RPS6KC1: variants seen among roughly 807,000 people sequenced by gnomAD.
RPS6KC1 encodes the protein inactive ribosomal protein S6 kinase delta-1.
RPS6KC1 carries 54 observed loss-of-function variants against 103.8 expected under a neutral mutation model. The ratio of observed to expected loss-of-function variants is 0.52; its 90% CI spans 0.42 to 0.65. The LOEUF is 0.65. Among genes scored for constraint, RPS6KC1 ranks in the 30% least tolerant of loss-of-function variants. The pLI, the probability that RPS6KC1 is intolerant of heterozygous loss-of-function variation, is 0.00. For missense variants in RPS6KC1, 1,151 were observed against 1,253.8 expected (o/e 0.92, Z 1.24); for synonymous variants, 439 against 438.7 (o/e 1.00, Z -0.01).
chr1:213,629,589 G>A, the RPS6KC1 span, among the ~76,000 whole-genome samples: 4,537 of 152,016 alleles, frequency 0.03, 104 homozygotes, highest in Non-Finnish European at 0.043. Context: ...TTACATTTAA[G>A]GTTAATATTG....
At chr1:213,076,489 T>C (rs1363695939) in intron 2 of RPS6KC1, among the ~76,000 whole-genome samples, 2 of 152,172 alleles carry the variant, frequency 1.3e-5, no homozygotes, top group Non-Finnish European at 2.9e-5. Flanking sequence ...GATGATTAAG[T>C]TTTTCAGAAG....
the RPS6KC1 span, among the ~76,000 whole-genome samples, chr1:213,398,712 A>G: frequency 6.6e-6 from 1 of 152,176 alleles, no homozygotes; most frequent in Non-Finnish European, 1.5e-5. Flanking sequence ...CCTATTAGGC[A>G]TCATTTTATT....
the RPS6KC1 span, among the ~76,000 whole-genome samples, chr1:213,667,341 G>T: frequency 4.0e-4 from 61 of 152,170 alleles, no homozygotes; most frequent in Non-Finnish European, 8.5e-4. Context: ...TCATAATAAA[G>T]TGAAGCATGC....
intron 14 of RPS6KC1, among the ~76,000 whole-genome samples, chr1:213,271,189 A>T (rs2095039857): frequency 6.6e-6 from 1 of 152,238 alleles, no homozygotes; most frequent in South Asian, 2.1e-4. Flanking sequence ...GTATCTAAAA[A>T]CTAGTGAGTG....
At chr1:213,366,489 C>T in the RPS6KC1 span, among the ~76,000 whole-genome samples, 1 of 152,174 alleles carries the variant, frequency 6.6e-6, no homozygotes, top group Non-Finnish European at 1.5e-5. Context: ...TGGTAAAGGG[C>T]CAGATAGTAA....
chr1:213,664,771 C>A, the RPS6KC1 span, among the ~76,000 whole-genome samples: 6 of 152,024 alleles, frequency 3.9e-5, no homozygotes, highest in Admixed American at 2.6e-4. Context: ...TAATTAAGAT[C>A]TTTAGTATGG....
chr1:213,167,756 T>G (rs945482262), intron 6 of RPS6KC1, 102 bp from the exon 7 acceptor site: 1 of 553,326 alleles, frequency 1.8e-6, no homozygotes, highest in Non-Finnish European at 3.1e-6. Flanking sequence ...TCTTCTTTTT[T>G]GTTAGAAATG....
chr1:213,548,978 T>C, the RPS6KC1 span, among the ~76,000 whole-genome samples: 1 of 152,184 alleles, frequency 6.6e-6, no homozygotes, highest in African/African-American at 2.4e-5. Context: ...AGGGAAACTC[T>C]CATGAACTGT....
chr1:213,373,219 A>T, the RPS6KC1 span, among the ~76,000 whole-genome samples: 1 of 152,234 alleles, frequency 6.6e-6, no homozygotes, highest in Non-Finnish European at 1.5e-5. Flanking sequence ...ACAGATATTT[A>T]AGAAGGGTAG....
chr1:213,057,625 T>A (rs2077441279), intron 1 of RPS6KC1, among the ~76,000 whole-genome samples: 2 of 152,200 alleles, frequency 1.3e-5, no homozygotes, highest in South Asian at 2.1e-4. Context: ...TTCTTTGGGT[T>A]GTTTGTTTCT....
the RPS6KC1 span, among the ~76,000 whole-genome samples, chr1:213,334,925 T>C: frequency 6.6e-6 from 1 of 152,310 alleles, no homozygotes; most frequent in East Asian, 1.9e-4. Flanking sequence ...ACTGAAGGTG[T>C]TGGATGGATG....
At chr1:213,660,364 T>A in the RPS6KC1 span, among the ~76,000 whole-genome samples, 3 of 152,182 alleles carry the variant, frequency 2.0e-5, no homozygotes, top group African/African-American at 7.2e-5. Context: ...GACTCTACCC[T>A]CCTCATTGGA....
chr1:213,151,295 G>A (rs1396706968), intron 6 of RPS6KC1, among the ~76,000 whole-genome samples: 5 of 123,590 alleles, frequency 4.0e-5, no homozygotes, highest in Admixed American at 7.4e-5. Context: ...AGGGGCGGCC[G>A]GGCAGAGGCG....
the RPS6KC1 span, among the ~76,000 whole-genome samples, chr1:213,608,927 G>A: frequency 2.6e-5 from 4 of 151,690 alleles, no homozygotes; most frequent in African/African-American, 9.7e-5. Flanking sequence ...TTAGCATTTA[G>A]GCTATTTTCA....
At chr1:213,118,225 G>A (rs2083920990) in intron 5 of RPS6KC1, among the ~76,000 whole-genome samples, 1 of 150,850 alleles carries the variant, frequency 6.6e-6, no homozygotes, top group African/African-American at 2.4e-5. Flanking sequence ...TTAATCTCTT[G>A]TTTTATTCTT....
the RPS6KC1 span, among the ~76,000 whole-genome samples, chr1:213,429,533 A>G: frequency 6.6e-6 from 1 of 152,166 alleles, no homozygotes; most frequent in Non-Finnish European, 1.5e-5. Context: ...ATGTTCTCTG[A>G]CTTGTTGGCT....
At chr1:213,771,088 TGTTCTTTCTTTGTTCCTTA>T in the RPS6KC1 span, among the ~76,000 whole-genome samples, 2 of 151,722 alleles carry the variant, frequency 1.3e-5, no homozygotes, top group Admixed American at 1.3e-4. Flanking sequence ...TCCATTCCTC[TGTTCTTTCTTTGTTCCTTA>T]GTCTCCTTCT....
rs188633607 is a variant in RPS6KC1 at position 213,117,518 on chromosome 1, C to A, written c.472+108C>A. 1,029 of 587,724 alleles carry A rather than the reference C, an allele frequency of 1.8e-3. 1 individual carries two copies. The highest frequency in any genetic ancestry group is 5.8e-3 in the Admixed American group (176 of 30,476). 36.4% of individuals were successfully genotyped at this position (587,724 alleles called of 1,614,324 possible). ...TGTATATAGGAATTTGAGGGTATTT[C>A]ACTGATTCTAAGATGCTTTTTTTCT... On this transcript the variant is annotated intron_variant, in intron 5 of 14. Coordinates refer to ENST00000366960, the MANE Select transcript of RPS6KC1 (RefSeq NM_012424.6).
At chr1:213,733,497 A>G in the RPS6KC1 span, among the ~76,000 whole-genome samples, 2 of 150,564 alleles carry the variant, frequency 1.3e-5, no homozygotes, top group African/African-American at 4.9e-5. Context: ...TTGGCCTCCC[A>G]AAGTGATGGG....
Sources: allele counts gnomAD v4.1 joint callset (sites outside exome capture counted in the v4.1 genomes callset), GRCh38; gene constraint gnomAD v4.1.1; transcripts MANE v1.5; gene names NCBI Gene and HGNC (gene_info 2026-07-23, HGNC 2026-07-21).